The following ZFP90 variants were observed in gnomAD, a reference collection of about 807,000 sequenced individuals.
The protein encoded by ZFP90 is zinc finger protein 90 homolog.
Under a neutral mutation model 60.8 loss-of-function variants are expected in ZFP90, and 38 were observed. The observed-to-expected ratio is 0.62, with a 90% CI of 0.48 to 0.82. The LOEUF is 0.82. ZFP90 is among the 40% of genes least tolerant of loss of function. The pLI, the probability that ZFP90 is intolerant of heterozygous loss-of-function variation, is 0.00. For missense variants in ZFP90, 711 were observed against 759.1 expected, an observed-to-expected ratio of 0.94 and a Z score of 0.74; for synonymous variants, 287 against 264.8, an observed-to-expected ratio of 1.08 and a Z score of -0.82.
intron 2 of ZFP90, among the ~76,000 whole-genome samples, chr16:68,540,193 A>G (rs17621931): frequency 1.3e-5 from 2 of 152,050 alleles, no homozygotes; most frequent in Non-Finnish European, 2.9e-5. Context: ...ACTGTCGGCA[A>G]GTGTGGAGAG....
At position 68,539,339 on chromosome 16, in the gene ZFP90, G is replaced by C. The variant is rs964283330; in HGVS notation, c.-176G>C. On this transcript the variant is annotated 5_prime_UTR_variant, in exon 1 of 5. Coordinates refer to ENST00000563169, the MANE Select transcript of ZFP90 (RefSeq NM_001305203.2). ...GCGGCCATTGTCCGACCCCGGTGCG[G>C]CTGAGGCCCCTTTGGGCAGCCCCTC... The C allele has an allele frequency of 5.5e-6, 1 of 181,756 alleles. No homozygotes were observed. The highest frequency in any genetic ancestry group is 1.1e-5 in the Non-Finnish European group (1 of 88,076). 11.3% of individuals were successfully genotyped at this position (181,756 alleles called of 1,614,324 possible). A position where few individuals can be genotyped will look rare whatever the true frequency, so the allele number is the denominator to read the frequency against.
At chr16:68,576,393 G>C (rs1357605356), downstream of ZFP90, among the ~76,000 whole-genome samples, 3 of 152,162 alleles carry the variant, frequency 2.0e-5, no homozygotes, top group Non-Finnish European at 4.4e-5. Flanking sequence ...GCAAACAATA[G>C]GCTAACCAAA....
In ZFP90 at chr16:68,565,883, G is replaced by T. The variant is rs748908274; in HGVS notation, c.*1185G>T. ...CTCACACCTGTAATCCCAGCACTTT[G>T]GGTGGCTAAGGCAGATAGACTGCTT... On this transcript the variant is annotated 3_prime_UTR_variant, in exon 5 of 5. Coordinates refer to ENST00000563169, the MANE Select transcript of ZFP90 (RefSeq NM_001305203.2). The T allele has an allele frequency of 1.0e-6, 1 of 978,918 alleles. No individual in the cohort carries two copies. Among genetic ancestry groups the T allele is most frequent in the Non-Finnish European group, 1.2e-6 (1 of 824,204 alleles). 60.6% of individuals were successfully genotyped at this position (978,918 alleles called of 1,614,324 possible).
downstream of ZFP90, among the ~76,000 whole-genome samples, chr16:68,571,766 AAAAT>A (rs1176013842): frequency 3.3e-5 from 5 of 151,574 alleles, no homozygotes; most frequent in Admixed American, 2.0e-4. Context: ...CATCTCAACA[AAAAT>A]AAATAATTTT....
chr16:68,551,640 A>C (rs1352520166), intron 2 of ZFP90, among the ~76,000 whole-genome samples: 2 of 152,018 alleles, frequency 1.3e-5, no homozygotes, highest in African/African-American at 2.4e-5. Context: ...CAAACTCCTG[A>C]TCTCAGGTGA....
At chr16:68,549,664 G>A (rs1424101918) in intron 2 of ZFP90, among the ~76,000 whole-genome samples, 1 of 107,792 alleles carries the variant, frequency 9.3e-6, no homozygotes, top group East Asian at 2.9e-4. Context: ...GGGCGACTGA[G>A]CAAGACTCCA....
chr16:68,538,442 G>T (rs938747680), upstream of ZFP90, among the ~76,000 whole-genome samples: 2 of 152,070 alleles, frequency 1.3e-5, no homozygotes, highest in African/African-American at 2.4e-5. Context: ...TTTCCATCGG[G>T]CCGGGCGCGG....
At chr16:68,556,301 G>T (rs2091343378) in intron 2 of ZFP90, among the ~76,000 whole-genome samples, 1 of 79,970 alleles carries the variant, frequency 1.3e-5, no homozygotes, top group African/African-American at 4.5e-5. Flanking sequence ...GGAGGCATGG[G>T]GCACCTCAGC....
intron 2 of ZFP90, chr16:68,533,987 C>T (rs2090943803): frequency 6.6e-6 from 1 of 152,100 alleles, no homozygotes; most frequent in Non-Finnish European, 1.5e-5. Flanking sequence ...ATCTTTATAT[C>T]TTTAATCAGT....
intron 2 of ZFP90, among the ~76,000 whole-genome samples, chr16:68,552,505 C>A (rs1249576124): frequency 1.3e-5 from 2 of 152,088 alleles, no homozygotes; most frequent in Non-Finnish European, 2.9e-5. Flanking sequence ...AGAACTTGAC[C>A]AAGTCTTGGT....
At chr16:68,551,263 ATAT>A (rs1332202492) in intron 2 of ZFP90, among the ~76,000 whole-genome samples, 1 of 152,026 alleles carries the variant, frequency 6.6e-6, no homozygotes, top group Non-Finnish European at 1.5e-5. Flanking sequence ...CTACTCAAGG[ATAT>A]TATGCATTTA....
rs773836895 is a variant in ZFP90 at position 68,566,202 on chromosome 16, C to T, written c.*1504C>T. 25 of 985,454 alleles carry T rather than the reference C, an allele frequency of 2.5e-5. No individual in the cohort carries two copies. Among genetic ancestry groups the T allele is most frequent in the Admixed American group, 6.2e-5 (1 of 16,258 alleles). 61.0% of individuals were successfully genotyped at this position (985,454 alleles called of 1,614,324 possible). A position where few individuals can be genotyped will look rare whatever the true frequency, so the allele number is the denominator to read the frequency against. On this transcript the variant is annotated 3_prime_UTR_variant, in exon 5 of 5. Transcript: ENST00000563169. Reference sequence around the variant, plus strand: ...TCAGCTAAGCTTCAGTGGCCTGCTCCATCCCCTAATGACTCCCATGGGCTA... The same window carrying T: ...TCAGCTAAGCTTCAGTGGCCTGCTCTATCCCCTAATGACTCCCATGGGCTA...
At chr16:68,560,899 C>T (rs1349664891) in intron 4 of ZFP90, among the ~76,000 whole-genome samples, 2 of 138,038 alleles carry the variant, frequency 1.4e-5, no homozygotes, top group Admixed American at 7.4e-5. Context: ...TTTTTTTTTC[C>T]GAGATGGAAT....
chr16:68,545,337 C>A (rs1038697072), intron 2 of ZFP90, among the ~76,000 whole-genome samples: 5 of 152,180 alleles, frequency 3.3e-5, no homozygotes, highest in African/African-American at 1.2e-4. Context: ...CATTCAGAAT[C>A]ACTTAAGCCC....
intron 2 of ZFP90, among the ~76,000 whole-genome samples, chr16:68,573,462 A>C (rs2091578121): frequency 6.6e-6 from 1 of 152,236 alleles, no homozygotes; most frequent in Non-Finnish European, 1.5e-5. Flanking sequence ...TGGGTGACAC[A>C]GCAAGACCTG....
Position 68,572,464 on chromosome 16 carries a change from TTCCTC to T in ZFP90, c.224-3325_224-3321del, listed in dbSNP as rs2091573481. Among the ~76,000 whole-genome samples, 3 of 152,202 alleles carry T rather than the reference TTCCTC, an allele frequency of 2.0e-5. No homozygotes were observed. The South Asian group carries it at 6.2e-4, about 31-fold the overall frequency. ...CCTAAGGTGAAAACAAAATGTCACA[TTCCTC>T]TGCTTTCTAAAGGGTGTCACAGAGA... On this transcript the variant is annotated intron_variant, in intron 2 of 2. Transcript: ENST00000573113.
intron 4 of ZFP90, among the ~76,000 whole-genome samples, chr16:68,559,775 T>C (rs1038371370): frequency 6.6e-6 from 1 of 152,130 alleles, no homozygotes; most frequent in African/African-American, 2.4e-5. Flanking sequence ...GGTTTCACCA[T>C]GTTGCCCAGG....
At chr16:68,557,228 C>A (rs1307137006) in intron 2 of ZFP90, 5 of 455,686 alleles carry the variant, frequency 1.1e-5, no homozygotes, top group African/African-American at 8.0e-5. Context: ...GCTCCTGTAA[C>A]AAAGGAAGTG....
chr16:68,557,123 G>T, intron 2 of ZFP90: 1 of 450,128 alleles, frequency 2.2e-6, no homozygotes. Flanking sequence ...GAGTAGCTGG[G>T]ACTGTAGGCA....
Sources: allele counts gnomAD v4.1 joint callset (sites outside exome capture counted in the v4.1 genomes callset), GRCh38; gene constraint gnomAD v4.1.1; transcripts MANE v1.5; gene names NCBI Gene and HGNC (gene_info 2026-07-23, HGNC 2026-07-21).